Variants in ENOX1 observed in about 807,000 individuals in gnomAD.
ENOX1 encodes the protein candidate growth-related and time keeping constitutive hydroquinone (NADH) oxidase.
Under a neutral mutation model 82.5 loss-of-function variants are expected in ENOX1, and 42 were observed. The observed-to-expected ratio is 0.51, with a 90% confidence interval of 0.40 to 0.66. The LOEUF (loss-of-function observed/expected upper bound fraction) is 0.66, where lower values mean the gene tolerates loss of function less well. Ranked by LOEUF, ENOX1 falls within the 30% of genes least tolerant of loss-of-function variation. The probability of loss-of-function intolerance (pLI) is 0.00; values close to 1 mark genes in which losing one functional copy is unlikely to be tolerated. For synonymous variants in ENOX1, 271 were observed against 282.2 expected (o/e 0.96, Z 0.40); for missense variants, 608 against 811.6 (o/e 0.75, Z 3.05).
chr13:43,411,614 T>C (rs79454528), intron 5 of ENOX1, among the ~76,000 whole-genome samples: 7,213 of 152,300 alleles, frequency 0.047, 587 homozygotes, highest in African/African-American at 0.16. Flanking sequence ...TGTAGGTGAA[T>C]GAGTTTTGCA....
chr13:43,668,311 C>T (rs1594334207), intron 1 of ENOX1, among the ~76,000 whole-genome samples: 1 of 152,216 alleles, frequency 6.6e-6, no homozygotes. Context: ...TTTTAAAGTG[C>T]CTTATACATC....
rs140931424 is a variant in ENOX1 at position 43,716,521 on chromosome 13, G to A, written c.-284-48977C>T. 1.7e-3 allele frequency among the ~76,000 whole-genome samples: 257 copies of A among 152,314 alleles called. 1 individual carries two copies. The highest frequency in any genetic ancestry group is 0.014 in the East Asian group (73 of 5,180). ...CTTGAAAGTAAGAATGCTCAAGGAA[G>A]TCCTGGACAGAGCATTCAGGCAAGA... is the stretch of plus-strand genomic sequence containing the variant. On this transcript the variant is annotated intron_variant, in intron 1 of 16. Transcript: ENST00000690772.
intron 11 of ENOX1, among the ~76,000 whole-genome samples, chr13:43,301,574 T>TA: frequency 6.9e-6 from 1 of 145,480 alleles, no homozygotes; most frequent in East Asian, 2.0e-4. Flanking sequence ...CAGCTGTAAT[T>TA]CCCCCACCAA....
chr13:43,514,147 C>T (rs879492136), intron 2 of ENOX1, among the ~76,000 whole-genome samples: 10 of 152,194 alleles, frequency 6.6e-5, no homozygotes, highest in Non-Finnish European at 1.3e-4. Flanking sequence ...TTTATTTCAG[C>T]TCTTTTCTTT....
intron 2 of ENOX1, among the ~76,000 whole-genome samples, chr13:43,655,903 T>C (rs1271417206): frequency 6.6e-6 from 1 of 152,194 alleles, no homozygotes; most frequent in South Asian, 2.1e-4. Context: ...TTTTCCACCA[T>C]TCCTGATTCG....
intron 5 of ENOX1, among the ~76,000 whole-genome samples, chr13:43,383,603 T>C (rs2052215064): frequency 6.6e-6 from 1 of 152,194 alleles, no homozygotes; most frequent in Non-Finnish European, 1.5e-5. Context: ...AAATAGGGTC[T>C]ATTTACTCAA....
chr13:43,711,606 T>C (rs1210601774), intron 1 of ENOX1, among the ~76,000 whole-genome samples: 18 of 152,086 alleles, frequency 1.2e-4, no homozygotes, highest in South Asian at 4.2e-4. Flanking sequence ...TTTTAATGAT[T>C]GCCATTCTAA....
intron 1 of ENOX1, among the ~76,000 whole-genome samples, chr13:43,754,090 G>A (rs28420882): frequency 0.021 from 241 of 11,498 alleles, no homozygotes; most frequent in South Asian, 0.031. Flanking sequence ...ACATATATAC[G>A]TATATATGTA....
chr13:43,736,840 G>A (rs1025928385), intron 1 of ENOX1, among the ~76,000 whole-genome samples: 1 of 152,156 alleles, frequency 6.6e-6, no homozygotes, highest in Non-Finnish European at 1.5e-5. Context: ...ACACATTTAG[G>A]TTCAAGGTGG....
At chr13:43,619,984 G>A (rs1232962866) in intron 2 of ENOX1, among the ~76,000 whole-genome samples, 1 of 151,984 alleles carries the variant, frequency 6.6e-6, no homozygotes, top group African/African-American at 2.4e-5. Context: ...AAGCTAGGAG[G>A]GTTGTATTTT....
chr13:43,502,557 T>C (rs965513367), intron 2 of ENOX1, among the ~76,000 whole-genome samples: 2 of 151,544 alleles, frequency 1.3e-5, no homozygotes, highest in African/African-American at 2.4e-5. Flanking sequence ...GCTCAACATA[T>C]GAAAATCAAT....
rs981877331 is a variant in ENOX1, at chr13:43,356,052, G to A, written c.690C>T (p.Cys230=). 2 of 1,614,076 alleles carry A rather than the reference G, an allele frequency of 1.2e-6. No homozygotes were observed. The highest frequency in any genetic ancestry group is 2.7e-5 in the African/African-American group (2 of 74,942). The change falls in exon 8 of 17, where the codon TGC becomes TGT. Residue 230 remains cysteine (C), a synonymous_variant. Transcript: ENST00000690772. ...QARDDFYEWE[C]KQRMRAREER... ...CCTCCCGGGCACGCATCCTCTGCTT[G>A]CATTCCCACTCATAGAAGTCATCCC...
chr13:43,381,315 A>G (rs2052024591), intron 5 of ENOX1, among the ~76,000 whole-genome samples: 1 of 151,768 alleles, frequency 6.6e-6, no homozygotes, highest in Admixed American at 6.6e-5. Context: ...CTGTAGGTCA[A>G]ACAAGAAACC....
intron 1 of ENOX1, among the ~76,000 whole-genome samples, chr13:43,712,665 T>C (rs1189966330): frequency 2.0e-5 from 3 of 152,026 alleles, no homozygotes; most frequent in African/African-American, 7.2e-5. Flanking sequence ...AGGTATTTTA[T>C]TCTCTTTGAA....
At chr13:43,317,083 C>T (rs900078792) in intron 11 of ENOX1, among the ~76,000 whole-genome samples, 60 of 152,344 alleles carry the variant, frequency 3.9e-4, no homozygotes, top group Non-Finnish European at 1.5e-4. Flanking sequence ...TGCTTCCACT[C>T]AACACAGACA....
intron 1 of ENOX1, among the ~76,000 whole-genome samples, chr13:43,688,614 G>A (rs940790845): frequency 2.6e-5 from 4 of 152,162 alleles, no homozygotes; most frequent in African/African-American, 9.7e-5. Context: ...CAGGCCATAG[G>A]CCAAATTCGA....
rs535621787 is a variant in ENOX1 at position 43,218,336 on chromosome 13, G to T, written c.1801-4215C>A. 5.5e-4 allele frequency among the ~76,000 whole-genome samples: 83 copies of T among 152,222 alleles called. No individual in the cohort carries two copies. In the Middle Eastern group the frequency reaches 0.01, roughly 19 times the overall value. ...CTATCTAAAATATCCATTTAATAAG[G>T]CTCTCAGCAGCTGGGCATGGTGGCT... On this transcript the variant is annotated intron_variant, in intron 16 of 16. Coordinates refer to ENST00000690772, the MANE Select transcript of ENOX1 (RefSeq NM_001347969.2).
chr13:43,445,015 A>T (rs1053122940), intron 3 of ENOX1, among the ~76,000 whole-genome samples: 10 of 152,232 alleles, frequency 6.6e-5, no homozygotes, highest in African/African-American at 2.2e-4. Context: ...TCAAGTAAGA[A>T]TGAGAAGCAA....
chr13:43,772,225 TCA>T (rs762795482), intron 1 of ENOX1, among the ~76,000 whole-genome samples: 1 of 152,190 alleles, frequency 6.6e-6, no homozygotes, highest in Non-Finnish European at 1.5e-5. Flanking sequence ...CTGGCATTAT[TCA>T]CAGTCAGACA....
Sources: allele counts gnomAD v4.1 joint callset (sites outside exome capture counted in the v4.1 genomes callset), GRCh38; gene constraint gnomAD v4.1.1; transcripts MANE v1.5; gene names NCBI Gene and HGNC (gene_info 2026-07-23, HGNC 2026-07-21).